The following LGR5 variants were observed in gnomAD, a reference collection of about 807,000 sequenced individuals.
The protein encoded by LGR5 is leucine-rich repeat-containing G protein-coupled receptor 5.
Under a neutral mutation model 76.7 loss-of-function variants are expected in LGR5, and 54 were observed. That is an observed-to-expected ratio of 0.70 (90% confidence interval 0.57 to 0.88). LGR5 has a LOEUF of 0.88. LGR5 is among the 40% of genes least tolerant of loss of function. The pLI, the probability that LGR5 is intolerant of heterozygous loss-of-function variation, is 0.00. For synonymous variants in LGR5, 406 were observed against 421.9 expected, an observed-to-expected ratio of 0.96 and a Z score of 0.46; for missense variants, 1,078 against 1,073.3, an observed-to-expected ratio of 1.00 and a Z score of -0.06.
chr12:71,469,383 G>A (rs1248555474), intron 1 of LGR5, among the ~76,000 whole-genome samples: 1 of 152,202 alleles, frequency 6.6e-6, no homozygotes, highest in Non-Finnish European at 1.5e-5. Context: ...AACTCCTGGC[G>A]TCCTCTGGCC....
At chr12:71,505,874 C>G (rs893052330) in intron 2 of LGR5, among the ~76,000 whole-genome samples, 1 of 152,176 alleles carries the variant, frequency 6.6e-6, no homozygotes, top group African/African-American at 2.4e-5. Context: ...GATTTTCACT[C>G]TAGGTCCCAG....
chr12:71,570,900 G>A (rs1284361215), intron 11 of LGR5, among the ~76,000 whole-genome samples: 2 of 152,046 alleles, frequency 1.3e-5, no homozygotes, highest in Non-Finnish European at 2.9e-5. Flanking sequence ...TCTATGTTAC[G>A]TTATCTACCA....
In LGR5 at chr12:71,584,863, G is replaced by A; in HGVS notation, c.*129G>A. On this transcript the variant is annotated 3_prime_UTR_variant, in exon 18 of 18. Coordinates refer to ENST00000266674, the MANE Select transcript of LGR5 (RefSeq NM_003667.4). ...TTAAAAACCAAAAAAGAATCTCTCA[G>A]TTAGTAAGAAAAGGCTGAAAACCTC... is the stretch of plus-strand genomic sequence containing the variant. 1 of 930,944 alleles carries A rather than the reference G, an allele frequency of 1.1e-6. No homozygotes were observed. The highest frequency in any genetic ancestry group is 1.6e-6 in the Non-Finnish European group (1 of 622,476). 57.7% of individuals were successfully genotyped at this position (930,944 alleles called of 1,614,324 possible).
chr12:71,515,066 T>G (rs935876339), intron 2 of LGR5, among the ~76,000 whole-genome samples: 1 of 152,196 alleles, frequency 6.6e-6, no homozygotes, highest in African/African-American at 2.4e-5. Context: ...AGGGGCACCT[T>G]GTAAAAGAAA....
chr12:71,554,372 G>A (rs993525267), intron 5 of LGR5, among the ~76,000 whole-genome samples: 3 of 145,658 alleles, frequency 2.1e-5, no homozygotes, highest in African/African-American at 7.7e-5. Context: ...CAGAATGCAC[G>A]GTCTGAAAAA....
intron 2 of LGR5, among the ~76,000 whole-genome samples, chr12:71,514,048 G>A (rs1046021298): frequency 1.7e-4 from 26 of 152,122 alleles, no homozygotes; most frequent in African/African-American, 6.3e-4. Flanking sequence ...CAGAGAGGCT[G>A]AGTTGGGAGG....
chr12:71,550,019 G>A (rs1322804202), intron 4 of LGR5, among the ~76,000 whole-genome samples: 1 of 152,064 alleles, frequency 6.6e-6, no homozygotes. Context: ...TGATACCTGG[G>A]TCACTTCAAG....
intron 1 of LGR5, among the ~76,000 whole-genome samples, chr12:71,476,005 C>T (rs1036006714): frequency 3.3e-5 from 5 of 152,026 alleles, no homozygotes; most frequent in South Asian, 2.1e-4. Context: ...GGGATTGACA[C>T]GCAGGGTTCC....
At chr12:71,483,666 T>A (rs536853552) in intron 1 of LGR5, among the ~76,000 whole-genome samples, 205 of 152,300 alleles carry the variant, frequency 1.3e-3, no homozygotes, top group African/African-American at 4.1e-3. Flanking sequence ...TACTGCCGTG[T>A]CACCTTGGGA....
intron 2 of LGR5, among the ~76,000 whole-genome samples, chr12:71,508,337 A>AAGG (rs1466171496): frequency 6.6e-6 from 1 of 152,252 alleles, no homozygotes; most frequent in Admixed American, 6.5e-5. Flanking sequence ...ACTATGTTAT[A>AAGG]AACTGTGTAG....
intron 4 of LGR5, among the ~76,000 whole-genome samples, chr12:71,548,301 C>CTGTGTGTGTGTGTGTGTGTGTGTGTGTG (rs10629001): frequency 2.6e-3 from 266 of 104,092 alleles, no homozygotes; most frequent in Middle Eastern, 0.011. Context: ...CCTTGTTGCA[C>CTGTGTGTGTGTGTGTGTGTGTGTGTGTG]TGTGTGTGTG....
At chr12:71,497,315 A>C (rs1874374356) in intron 1 of LGR5, among the ~76,000 whole-genome samples, 1 of 151,734 alleles carries the variant, frequency 6.6e-6, no homozygotes, top group East Asian at 1.9e-4. Context: ...ACCTTAGTTG[A>C]AAGAAGAAAA....
chr12:71,528,308 A>G (rs1380939036), intron 3 of LGR5, among the ~76,000 whole-genome samples: 3 of 152,052 alleles, frequency 2.0e-5, no homozygotes, highest in Non-Finnish European at 4.4e-5. Context: ...AAATACAAAA[A>G]TTAGCCTGGC....
intron 2 of LGR5, among the ~76,000 whole-genome samples, chr12:71,508,825 A>G (rs986953576): frequency 6.6e-6 from 1 of 151,946 alleles, no homozygotes; most frequent in Admixed American, 6.6e-5. Flanking sequence ...GTATTTCAGA[A>G]GAACAGCTAT....
chr12:71,538,501 C>T (rs1876714678), intron 4 of LGR5, among the ~76,000 whole-genome samples: 1 of 151,568 alleles, frequency 6.6e-6, no homozygotes, highest in African/African-American at 2.4e-5. Context: ...GAGGATAGGA[C>T]TCATGCATGC....
At chr12:71,456,773 C>A (rs1181142956) in intron 1 of LGR5, among the ~76,000 whole-genome samples, 1 of 152,002 alleles carries the variant, frequency 6.6e-6, no homozygotes, top group Non-Finnish European at 1.5e-5. Context: ...TTTTAGCAAC[C>A]AATTTGGGGA....
intron 1 of LGR5, among the ~76,000 whole-genome samples, chr12:71,504,086 T>C (rs1258101947): frequency 1.3e-5 from 2 of 152,200 alleles, no homozygotes; most frequent in Non-Finnish European, 2.9e-5. Context: ...TCTGAGAACC[T>C]GCAAAAGGAA....
rs1358655773 is a variant in LGR5 at position 71,582,441 on chromosome 12, C to T, written c.1553-15C>T. On this transcript the variant is annotated splice_polypyrimidine_tract_variant and intron_variant, in intron 16 of 17. Transcript: ENST00000266674. The stretch of plus-strand genomic sequence containing the variant: ...AGAGTCAGAACTAATCATTCCAGGA[C>T]TTCTTGTGCTGCAGATGAACGTGAC... 1.9e-6 allele frequency: 3 copies of T among 1,610,914 alleles called. No individual in the cohort carries two copies. The highest frequency in any genetic ancestry group is 2.7e-5 in the African/African-American group (2 of 74,840).
At chr12:71,458,102 C>G (rs1187707863) in intron 1 of LGR5, among the ~76,000 whole-genome samples, 3 of 151,944 alleles carry the variant, frequency 2.0e-5, no homozygotes, top group African/African-American at 7.3e-5. Flanking sequence ...GATTTTGTTT[C>G]TTAAAAAAAA....
Sources: allele counts gnomAD v4.1 joint callset (sites outside exome capture counted in the v4.1 genomes callset), GRCh38; gene constraint gnomAD v4.1.1; transcripts MANE v1.5; gene names NCBI Gene and HGNC (gene_info 2026-07-23, HGNC 2026-07-21).